The following UNC79 variants were observed in gnomAD, a reference collection of about 807,000 sequenced individuals.
The protein encoded by UNC79 is unc-79 subunit of NALCN channel complex.
A neutral mutation model predicts 283.1 loss-of-function variants in UNC79; 37 were observed. The observed-to-expected ratio is 0.13, with a 90% confidence interval of 0.10 to 0.17. The LOEUF (loss-of-function observed/expected upper bound fraction) is 0.17. Ranked by LOEUF, UNC79 falls within the 10% of genes least tolerant of loss-of-function variation. UNC79 has a pLI of 1.00. For synonymous variants in UNC79, 1,107 were observed against 1,200.2 expected, an observed-to-expected ratio of 0.92 and a Z score of 1.61; for missense variants, 2,272 against 3,211.1, an observed-to-expected ratio of 0.71 and a Z score of 7.07.
chr14:93,529,040 T>C (rs1466579754), intron 9 of UNC79, among the ~76,000 whole-genome samples: 1 of 152,260 alleles, frequency 6.6e-6, no homozygotes, highest in African/African-American at 2.4e-5. Flanking sequence ...GATCATGCAG[T>C]ATTTTGGTTG....
At chr14:93,541,688 A>G (rs147697744) in intron 13 of UNC79, among the ~76,000 whole-genome samples, 13 of 152,354 alleles carry the variant, frequency 8.5e-5, no homozygotes, top group Admixed American at 3.9e-4. Context: ...AGTTCATAGT[A>G]AATGAATGAA....
At chr14:93,447,333 C>G (rs1420242046) in intron 1 of UNC79, among the ~76,000 whole-genome samples, 1 of 152,012 alleles carries the variant, frequency 6.6e-6, no homozygotes, top group Non-Finnish European at 1.5e-5. Context: ...TTATGTACTT[C>G]CTTAATTTTT....
chr14:93,347,712 G>A (rs2053889615), intron 1 of UNC79, among the ~76,000 whole-genome samples: 1 of 152,188 alleles, frequency 6.6e-6, no homozygotes. Flanking sequence ...TTTCGCGGAG[G>A]AATGATTTAC....
intron 11 of UNC79, among the ~76,000 whole-genome samples, chr14:93,534,266 C>G (rs1163855820): frequency 6.6e-6 from 1 of 152,224 alleles, no homozygotes; most frequent in African/African-American, 2.4e-5. Flanking sequence ...CTTGGCTCCA[C>G]TCTCTGAGAC....
At chr14:93,487,002 A>G (rs2058474722) in intron 4 of UNC79, among the ~76,000 whole-genome samples, 1 of 152,216 alleles carries the variant, frequency 6.6e-6, no homozygotes, top group African/African-American at 2.4e-5. Context: ...CAAACAACTC[A>G]GATGAATATG....
At chr14:93,650,366 A>C (rs901534494) in intron 35 of UNC79, among the ~76,000 whole-genome samples, 1 of 152,128 alleles carries the variant, frequency 6.6e-6, no homozygotes, top group African/African-American at 2.4e-5. Context: ...GTATATGTTT[A>C]ATTTTATCAG....
intron 26 of UNC79, among the ~76,000 whole-genome samples, chr14:93,608,656 A>G (rs997080292): frequency 2.6e-5 from 4 of 152,198 alleles, no homozygotes; most frequent in African/African-American, 9.7e-5. Flanking sequence ...GCTGCCCTGG[A>G]CCAAGTGCAG....
rs1566915254 is a variant in UNC79 at position 93,404,509 on chromosome 14, T to TATATATATATATATAA, written c.-350-63157_-350-63156insTATATATATAAATATA. Among the ~76,000 whole-genome samples, 7 of 113,970 alleles carry TATATATATATATATAA rather than the reference T, an allele frequency of 6.1e-5. No homozygotes were observed. The East Asian group carries it at 6.8e-4, about 11-fold the overall frequency. 74.8% of individuals were successfully genotyped at this position (113,970 alleles called of 152,430 possible). A position where few individuals can be genotyped will look rare whatever the true frequency, so the allele number is the denominator to read the frequency against. On this transcript the variant is annotated intron_variant, in intron 1 of 49. Coordinates refer to the UNC79 transcript ENST00000256339. ...TCTAAAAAAAATATATATATATATATATATAAATATATACATATTATATAT... is the reference window on the plus strand; with the variant it reads ...TCTAAAAAAAATATATATATATATATATATATATATATATAAATATAAATATATACATATTATATAT...
chr14:93,547,091 A>T (rs1015059390), intron 14 of UNC79, among the ~76,000 whole-genome samples: 1 of 152,248 alleles, frequency 6.6e-6, no homozygotes, highest in African/African-American at 2.4e-5. Context: ...TTTCTGTAGC[A>T]TGAAACATTA....
At chr14:93,351,430 A>G (rs2053978552) in intron 1 of UNC79, among the ~76,000 whole-genome samples, 2 of 152,142 alleles carry the variant, frequency 1.3e-5, no homozygotes, top group African/African-American at 4.8e-5. Context: ...AAATAAATAG[A>G]AGTTATTGTT....
In UNC79 at chr14:93,621,011, T is replaced by C. The variant is rs2067092544; in HGVS notation, c.4388-610T>C. 1 of 517,920 alleles carries C rather than the reference T, an allele frequency of 1.9e-6. No homozygotes were observed. The highest frequency in any genetic ancestry group is 3.9e-6 in the Non-Finnish European group (1 of 259,482). The allele number at this position is 517,920 out of a possible 1,614,324, so 32.1% of individuals were successfully genotyped here. On this transcript the variant is annotated intron_variant, in intron 29 of 48. Transcript: ENST00000555664. The surrounding 1 kb of genome is among the most constrained non-coding windows in gnomAD (Gnocchi z 4.8). ...AATAGGCGGCAGCAAAATGGTGAAATATCAGCCGGTTGAGATGAATGTTCA... is the reference window on the plus strand; with the variant it reads ...AATAGGCGGCAGCAAAATGGTGAAACATCAGCCGGTTGAGATGAATGTTCA...
intron 1 of UNC79, among the ~76,000 whole-genome samples, chr14:93,453,972 G>T (rs2056723904): frequency 6.6e-6 from 1 of 151,688 alleles, no homozygotes; most frequent in African/African-American, 2.4e-5. Context: ...GGAATAAATT[G>T]TTTTTCCCTT....
chr14:93,589,671 G>C (rs1369415369), intron 22 of UNC79, among the ~76,000 whole-genome samples: 1 of 152,140 alleles, frequency 6.6e-6, no homozygotes, highest in Admixed American at 6.5e-5. Flanking sequence ...AAAGAAAGAG[G>C]CTGCTAAGAG....
chr14:93,504,606 T>C (rs970694760), intron 7 of UNC79, among the ~76,000 whole-genome samples: 14 of 152,018 alleles, frequency 9.2e-5, no homozygotes, highest in African/African-American at 3.4e-4. Context: ...ATTTTTAGAA[T>C]ATTATTGTCA....
intron 13 of UNC79, among the ~76,000 whole-genome samples, chr14:93,541,906 G>A (rs2061393417): frequency 6.6e-6 from 1 of 150,918 alleles, no homozygotes; most frequent in South Asian, 2.1e-4. Context: ...TCGGGAGGCT[G>A]AGGCAGGAGA....
chr14:93,444,371 A>G (rs1229489725), intron 1 of UNC79, among the ~76,000 whole-genome samples: 2 of 152,074 alleles, frequency 1.3e-5, no homozygotes, highest in Admixed American at 6.6e-5. Context: ...TTTGCTTCCA[A>G]TCTGTGGCTT....
At chr14:93,536,291 T>C (rs1371183207) in intron 11 of UNC79, among the ~76,000 whole-genome samples, 1 of 152,156 alleles carries the variant, frequency 6.6e-6, no homozygotes, top group East Asian at 1.9e-4. Context: ...TTATGGAGTA[T>C]CTGGAGTCCT....
At chr14:93,643,474 A>G (rs1334711367) in intron 33 of UNC79, 83 bp from the exon 37 acceptor site, 3 of 1,605,242 alleles carry the variant, frequency 1.9e-6, no homozygotes, top group Non-Finnish European at 2.6e-6. Context: ...AGACCTACTA[A>G]AAACAGCCGT....
chr14:93,676,037 C>T (rs570123765), intron 41 of UNC79, among the ~76,000 whole-genome samples: 2 of 152,298 alleles, frequency 1.3e-5, no homozygotes, highest in Non-Finnish European at 2.9e-5. Context: ...GCAGTGTTCA[C>T]ACAGACTTTT....
Sources: gnomAD v4.1 joint callset for allele counts (sites outside exome capture counted in the v4.1 genomes callset) on GRCh38, gnomAD v4.1.1 for gene constraint, Gnocchi (gnomAD v3.1) non-coding constraint, MANE v1.5 for transcripts, NCBI Gene and HGNC (gene_info 2026-07-23, HGNC 2026-07-21) for gene names.